The following PEX5L variants were observed in gnomAD, a reference collection of about 807,000 sequenced individuals.
PEX5L encodes the protein peroxisomal biogenesis factor 5 like.
In PEX5L, 30 loss-of-function variants were observed where a neutral mutation model predicts 84.0. The ratio of observed to expected loss-of-function variants is 0.36; its 90% CI spans 0.27 to 0.48. The LOEUF is 0.48. PEX5L is among the 20% of genes least tolerant of loss of function. PEX5L has a pLI of 0.99. For missense variants in PEX5L, 533 were observed against 754.6 expected, an observed-to-expected ratio of 0.71 and a Z score of 3.44; for synonymous variants, 270 against 283.1, an observed-to-expected ratio of 0.95 and a Z score of 0.46.
rs1196360268 is a variant in PEX5L at position 179,814,352 on chromosome 3, T to C, written c.1083+1509A>G. The stretch of plus-strand genomic sequence containing the variant: ...CTAATTTAATCCTTGCAACACCCAA[T>C]GAGATAGTTACTATTAGGATTTCCA... On this transcript the variant is annotated intron_variant, in intron 10 of 14. Coordinates refer to ENST00000467460, the MANE Select transcript of PEX5L (RefSeq NM_016559.3). 3.3e-5 allele frequency among the ~76,000 whole-genome samples: 5 copies of C among 152,298 alleles called. No individual in the cohort carries two copies. The South Asian group carries it at 6.2e-4, about 19-fold the overall frequency.
intron 2 of PEX5L, among the ~76,000 whole-genome samples, chr3:179,925,301 C>T (rs1008631225): frequency 1.3e-5 from 2 of 152,104 alleles, no homozygotes; most frequent in Non-Finnish European, 2.9e-5. Flanking sequence ...GCCCCTACTC[C>T]CCATCTGCCT....
chr3:179,819,333 G>A (rs980680786), intron 9 of PEX5L, among the ~76,000 whole-genome samples: 1 of 152,134 alleles, frequency 6.6e-6, no homozygotes, highest in African/African-American at 2.4e-5. Flanking sequence ...CTCCTATCAG[G>A]GGAGTACCTC....
At position 179,795,633 on chromosome 3, in the gene PEX5L, G is replaced by A. The variant is rs1319447077; in HGVS notation, c.*6195C>T. 2 of 151,914 alleles carry A rather than the reference G, an allele frequency of 1.3e-5. No individual in the cohort carries two copies. Among genetic ancestry groups the A allele is most frequent in the African/African-American group, 2.4e-5 (1 of 41,346 alleles). The allele number at this position is 151,914 out of a possible 1,614,324, so 9.4% of individuals were successfully genotyped here. A position where few individuals can be genotyped will look rare whatever the true frequency, so the allele number is the denominator to read the frequency against. On this transcript the variant is annotated 3_prime_UTR_variant, in exon 15 of 15. Transcript: ENST00000467460. Reference sequence around the variant, plus strand: ...TTTGAATTGGTATTAATTTAGTAACGCAATGTAAACATTTAAACTTAAATT... The same window carrying A: ...TTTGAATTGGTATTAATTTAGTAACACAATGTAAACATTTAAACTTAAATT...
chr3:179,974,591 C>G (rs975224687), intron 1 of PEX5L, among the ~76,000 whole-genome samples: 2 of 152,162 alleles, frequency 1.3e-5, no homozygotes, highest in African/African-American at 4.8e-5. Context: ...ATAACGTGTC[C>G]AACTTCTGAA....
chr3:179,832,315 C>A (rs1262631614), intron 8 of PEX5L, among the ~76,000 whole-genome samples: 1 of 151,974 alleles, frequency 6.6e-6, no homozygotes, highest in South Asian at 2.1e-4. Context: ...CAACTACCTG[C>A]CAACAAACCT....
chr3:179,903,598 C>A (rs556973566), intron 2 of PEX5L, among the ~76,000 whole-genome samples: 119 of 152,202 alleles, frequency 7.8e-4, no homozygotes, highest in African/African-American at 2.7e-3. Flanking sequence ...AAACTAGCCA[C>A]CAAAAGGCTA....
intron 8 of PEX5L, among the ~76,000 whole-genome samples, chr3:179,824,671 A>C (rs1729724744): frequency 7.4e-6 from 1 of 134,974 alleles, no homozygotes; most frequent in Admixed American, 9.0e-5. Flanking sequence ...GTGCCATTGC[A>C]CTCTAGCCTG....
rs1276168710 is a variant in PEX5L at position 180,014,210 on chromosome 3, G to T, written c.21+22369C>A. ...TTCTGTGCTTCAATTAAGGGACAAT[G>T]TCTAATGCACATCACCTTAATACCA... On this transcript the variant is annotated intron_variant, in intron 1 of 14. Transcript: ENST00000467460. 2.0e-5 allele frequency among the ~76,000 whole-genome samples: 3 copies of T among 152,318 alleles called. No homozygotes were observed. In the East Asian group the frequency reaches 5.8e-4, roughly 29 times the overall value.
intron 2 of PEX5L, among the ~76,000 whole-genome samples, chr3:179,950,333 G>A (rs1330582133): frequency 2.0e-5 from 3 of 151,136 alleles, no homozygotes; most frequent in African/African-American, 4.9e-5. Flanking sequence ...CATAGGAAGC[G>A]GAACATCACA....
Position 179,840,181 on chromosome 3 carries a change from G to T in PEX5L, c.822+18881C>A, listed in dbSNP as rs1398154062. Among the ~76,000 whole-genome samples the T allele has an allele frequency of 4.6e-3, 435 of 94,290 alleles. 5 individuals are homozygous for T. Among genetic ancestry groups the T allele is most frequent in the African/African-American group, 0.018 (414 of 23,272 alleles). The allele number at this position is 94,290 out of a possible 152,430, so 61.9% of individuals were successfully genotyped here. On this transcript the variant is annotated intron_variant, in intron 8 of 14. Coordinates refer to ENST00000467460, the MANE Select transcript of PEX5L (RefSeq NM_016559.3). ...GTTTTTTGTGTGTGTGTGTGTGTGT[G>T]TGTTTTTTTTTTTTTTTTTTTTTTG...
At chr3:179,954,213 G>A (rs375382877) in intron 2 of PEX5L, among the ~76,000 whole-genome samples, 1 of 103,648 alleles carries the variant, frequency 9.6e-6, no homozygotes, top group Non-Finnish European at 2.1e-5. Flanking sequence ...TCGGGGGGGG[G>A]GGAAAAAGTC....
At chr3:179,968,526 CTAAT>C (rs1286312722) in intron 2 of PEX5L, among the ~76,000 whole-genome samples, 42 of 152,052 alleles carry the variant, frequency 2.8e-4, no homozygotes, top group African/African-American at 1.0e-3. Context: ...ATAGCATTTA[CTAAT>C]TAGTTATATT....
chr3:179,985,903 A>G (rs1046851761), intron 1 of PEX5L, among the ~76,000 whole-genome samples: 1 of 152,122 alleles, frequency 6.6e-6, no homozygotes, highest in African/African-American at 2.4e-5. Flanking sequence ...AGAGGTTTAC[A>G]GTGTGCAAGC....
chr3:179,957,229 G>C (rs763131250), intron 2 of PEX5L, among the ~76,000 whole-genome samples: 4 of 152,178 alleles, frequency 2.6e-5, no homozygotes, highest in Non-Finnish European at 5.9e-5. Flanking sequence ...AGGACCATGG[G>C]TGATACTTTC....
At chr3:179,808,484 C>T in intron 12 of PEX5L, 47 bp from the exon 13 acceptor site, 1 of 1,276,252 alleles carries the variant, frequency 7.8e-7, no homozygotes, top group Non-Finnish European at 1.0e-6. Flanking sequence ...ATAGTCAGAA[C>T]ATAAATGATT....
chr3:179,991,903 G>T (rs1019801684), intron 1 of PEX5L, among the ~76,000 whole-genome samples: 2 of 152,050 alleles, frequency 1.3e-5, no homozygotes, highest in Admixed American at 6.6e-5. Context: ...TTATTTATTT[G>T]ATACAAAAAA....
chr3:179,991,323 C>T (rs1787355804), intron 1 of PEX5L, among the ~76,000 whole-genome samples: 2 of 152,162 alleles, frequency 1.3e-5, no homozygotes, highest in South Asian at 2.1e-4. Flanking sequence ...CAAGCATAGT[C>T]GCAAGGCCAA....
intron 2 of PEX5L, among the ~76,000 whole-genome samples, chr3:179,952,764 A>T (rs1779447718): frequency 6.6e-6 from 1 of 152,206 alleles, no homozygotes; most frequent in South Asian, 2.1e-4. Context: ...TAAATTTCAT[A>T]TGGAACAAAA....
intron 2 of PEX5L, among the ~76,000 whole-genome samples, chr3:179,909,467 G>A (rs928574233): frequency 7.2e-5 from 11 of 152,266 alleles, no homozygotes; most frequent in African/African-American, 2.2e-4. Flanking sequence ...AAAGACAAGT[G>A]TTGAGATGAC....
Sources: allele counts gnomAD v4.1 joint callset (sites outside exome capture counted in the v4.1 genomes callset), GRCh38; gene constraint gnomAD v4.1.1; transcripts MANE v1.5; gene names NCBI Gene and HGNC (gene_info 2026-07-23, HGNC 2026-07-21).